The following SNX31 variants were observed in gnomAD, a reference collection of about 807,000 sequenced individuals.
SNX31 encodes sorting nexin-31.
In SNX31, 58 loss-of-function variants were observed where a neutral mutation model predicts 65.4. The ratio of observed to expected loss-of-function variants is 0.89; its 90% CI spans 0.72 to 1.10. The LOEUF (loss-of-function observed/expected upper bound fraction) is 1.10, where lower values mean the gene tolerates loss of function less well. Among genes scored for constraint, SNX31 ranks in the 50% least tolerant of loss-of-function variants. The pLI is 0.00. For missense variants in SNX31, 523 were observed against 529.7 expected (o/e 0.99, Z 0.12); for synonymous variants, 181 against 190.1 (o/e 0.95, Z 0.39).
chr8:100,627,225 G>A (rs1818100704), intron 4 of SNX31, among the ~76,000 whole-genome samples: 1 of 152,154 alleles, frequency 6.6e-6, no homozygotes, highest in Non-Finnish European at 1.5e-5. Context: ...GGTGGCACAT[G>A]CCTTTAATCC....
Position 100,635,981 on chromosome 8 carries a change from G to A in SNX31, c.172C>T (p.Pro58Ser). 6.2e-7 allele frequency: 1 copy of A among 1,614,164 alleles called. No individual in the cohort carries two copies. Among genetic ancestry groups the A allele is most frequent in the Non-Finnish European group, 8.5e-7 (1 of 1,180,002 alleles). Residue 58 changes from proline (P) to serine (S), a missense_variant, in exon 3 of 14, where the codon CCC becomes TCC. Pro to Ser is a moderately conservative substitution (Grantham distance 74). Transcript: ENST00000311812. ...LRRVFGNCLP[P>S]FPPKYYLAMT... ...GCCAGATAGTACTTTGGTGGGAAGG[G>A]TGGCAGGCAATTTCCAAAGACCCGC...
At chr8:100,643,935 G>A (rs1196619614) in intron 2 of SNX31, among the ~76,000 whole-genome samples, 2 of 152,150 alleles carry the variant, frequency 1.3e-5, no homozygotes, top group East Asian at 3.8e-4. Flanking sequence ...ATCAGAGAAA[G>A]GCATCTCATG....
chr8:100,657,880 C>T (rs1563594902), intron 1 of SNX31: 3 of 363,010 alleles, frequency 8.3e-6, no homozygotes, highest in South Asian at 5.9e-5. Flanking sequence ...CAAAAGAAAA[C>T]AAAAAAACAA....
chr8:100,623,274 C>T (rs1162294469), intron 4 of SNX31, among the ~76,000 whole-genome samples: 2 of 152,186 alleles, frequency 1.3e-5, no homozygotes, highest in Non-Finnish European at 2.9e-5. Context: ...TGAGAACTCA[C>T]TCACTGTCAT....
rs1816957603 is a variant in SNX31, at chr8:100,614,048, A to G, written c.433-963T>C. On this transcript the variant is annotated intron_variant, in intron 5 of 13. Transcript: ENST00000311812. The surrounding 1 kb of genome is among the most constrained non-coding windows in gnomAD (Gnocchi z 5.1). ...GCCTTCTCTTGTCAGAGATACATAA[A>G]TTACCCCCAGGAAGCAGTCTGATTA... 1.3e-5 allele frequency among the ~76,000 whole-genome samples: 2 copies of G among 152,144 alleles called. No individual in the cohort carries two copies. Among genetic ancestry groups the G allele is most frequent in the African/African-American group, 2.4e-5 (1 of 41,400 alleles).
At chr8:100,601,200 G>A (rs2130937866) in intron 8 of SNX31, among the ~76,000 whole-genome samples, 1 of 152,288 alleles carries the variant, frequency 6.6e-6, no homozygotes, top group Non-Finnish European at 1.5e-5. Context: ...CAGAACAAAA[G>A]TCAATCCTTA....
At chr8:100,593,100 T>A (rs1264505878) in intron 10 of SNX31, among the ~76,000 whole-genome samples, 2 of 152,190 alleles carry the variant, frequency 1.3e-5, no homozygotes, top group Non-Finnish European at 2.9e-5. Flanking sequence ...TAAAATTGAT[T>A]GTGGTGATGG....
intron 10 of SNX31, among the ~76,000 whole-genome samples, chr8:100,596,332 G>A (rs1462005347): frequency 1.3e-5 from 2 of 152,172 alleles, no homozygotes; most frequent in Admixed American, 6.5e-5. Flanking sequence ...CACTGAGCAC[G>A]TAGTAAGTGC....
Position 100,626,332 on chromosome 8 carries a change from C to T in SNX31, c.321+3995G>A, listed in dbSNP as rs1818040133. ...GTAAATTGACCCAAGTCATATAAAT[C>T]AAAAGTAGGGCAGCCAAAATTTGAA... is the stretch of plus-strand genomic sequence containing the variant. On this transcript the variant is annotated intron_variant, in intron 4 of 13. Transcript: ENST00000311812. The surrounding 1 kb of genome is among the most constrained non-coding windows in gnomAD (Gnocchi z 4.4). 6.6e-6 allele frequency among the ~76,000 whole-genome samples: 1 copy of T among 152,138 alleles called. No homozygotes were observed. The highest frequency in any genetic ancestry group is 1.5e-5 in the Non-Finnish European group (1 of 68,030).
intron 1 of SNX31, among the ~76,000 whole-genome samples, chr8:100,657,556 A>C (rs1032267274): frequency 6.6e-6 from 1 of 152,096 alleles, no homozygotes; most frequent in African/African-American, 2.4e-5. Context: ...CTGGCCAAGG[A>C]GACCTCATTT....
intron 2 of SNX31, among the ~76,000 whole-genome samples, chr8:100,645,979 T>C (rs1326314022): frequency 1.3e-5 from 2 of 152,170 alleles, no homozygotes; most frequent in East Asian, 3.9e-4. Context: ...GGGGACTTGC[T>C]GGAACAAAAT....
chr8:100,618,748 G>T (rs1817453882), intron 4 of SNX31: 2 of 202,284 alleles, frequency 9.9e-6, no homozygotes, highest in Admixed American at 5.6e-5. Context: ...CCAAACGGAG[G>T]AGATGCACAG....
intron 8 of SNX31, among the ~76,000 whole-genome samples, chr8:100,601,030 C>A (rs1329504449): frequency 6.6e-6 from 1 of 151,894 alleles, no homozygotes; most frequent in Non-Finnish European, 1.5e-5. Context: ...AAATAGAGTT[C>A]CAAATAATAA....
In SNX31 at chr8:100,576,546, T is replaced by C. The variant is rs923266365; in HGVS notation, c.1227+473A>G. On this transcript the variant is annotated intron_variant, in intron 13 of 13. Coordinates refer to ENST00000311812, the MANE Select transcript of SNX31 (RefSeq NM_152628.4). This position sits in a 1 kb window ranked among gnomAD's most constrained non-coding sequence, Gnocchi z 4.8. ...TTAATTCACATAAAAGTGCTTAGAA[T>C]ACTGCCTGGCAATAATGAGTGCTCA... 1.3e-5 allele frequency among the ~76,000 whole-genome samples: 2 copies of C among 152,254 alleles called. No individual in the cohort carries two copies. Among genetic ancestry groups the C allele is most frequent in the Non-Finnish European group, 2.9e-5 (2 of 68,046 alleles).
rs554948886 is a variant in SNX31 at position 100,648,133 on chromosome 8, C to G, written c.141+1141G>C. Among the ~76,000 whole-genome samples, 5 of 152,318 alleles carry G rather than the reference C, an allele frequency of 3.3e-5. No homozygotes were observed. In the East Asian group the frequency reaches 9.6e-4, roughly 29 times the overall value. On this transcript the variant is annotated intron_variant, in intron 2 of 13. Coordinates refer to ENST00000311812, the MANE Select transcript of SNX31 (RefSeq NM_152628.4). The surrounding 1 kb of genome is among the most constrained non-coding windows in gnomAD (Gnocchi z 4.3). Reference sequence around the variant, plus strand: ...GCACTGTGATGTATGAGCAAGAAGGCTTGCTACAGTGACAATTTAATAGCA... The same window carrying G: ...GCACTGTGATGTATGAGCAAGAAGGGTTGCTACAGTGACAATTTAATAGCA...
Position 100,594,826 on chromosome 8 carries a change from C to T in SNX31, c.978+1813G>A, listed in dbSNP as rs985133086. 1.3e-5 allele frequency among the ~76,000 whole-genome samples: 2 copies of T among 152,204 alleles called. No individual in the cohort carries two copies. The highest frequency in any genetic ancestry group is 2.9e-5 in the Non-Finnish European group (2 of 68,050). On this transcript the variant is annotated intron_variant, in intron 10 of 13. Transcript: ENST00000311812. The surrounding 1 kb of genome is among the most constrained non-coding windows in gnomAD (Gnocchi z 4.0). The stretch of plus-strand genomic sequence containing the variant: ...TTCCAGAAAAATGAAGACTCATGGC[C>T]AGGCAAACACCTGTATGTGAAGATT...
chr8:100,582,913 G>A (rs1193677023), intron 12 of SNX31, among the ~76,000 whole-genome samples: 1 of 151,462 alleles, frequency 6.6e-6, no homozygotes, highest in African/African-American at 2.4e-5. Context: ...AACCCGGAAG[G>A]CGGAGCTTGC....
intron 4 of SNX31, among the ~76,000 whole-genome samples, chr8:100,619,606 C>T (rs550077400): frequency 5.9e-5 from 9 of 152,198 alleles, no homozygotes; most frequent in Non-Finnish European, 8.8e-5. Context: ...GAGAGGCCAG[C>T]GGCTGCCCAC....
chr8:100,601,328 A>T (rs1473967327), intron 8 of SNX31, among the ~76,000 whole-genome samples: 1 of 152,218 alleles, frequency 6.6e-6, no homozygotes, highest in Non-Finnish European at 1.5e-5. Flanking sequence ...ATTTAACAAC[A>T]TGGGAAATGT....
Sources: allele counts gnomAD v4.1 joint callset (sites outside exome capture counted in the v4.1 genomes callset), GRCh38; gene constraint gnomAD v4.1.1; non-coding constraint Gnocchi (gnomAD v3.1); transcripts MANE v1.5; gene names NCBI Gene and HGNC (gene_info 2026-07-23, HGNC 2026-07-21).